F13A1: variants seen among roughly 807,000 people sequenced by gnomAD.
F13A1 encodes the protein coagulation factor XIII A chain, also known as FSF, A subunit.
In F13A1, 47 loss-of-function variants were observed where a neutral mutation model predicts 80.1. The observed-to-expected ratio is 0.59, with a 90% CI of 0.46 to 0.75. The LOEUF is 0.75. Among genes scored for constraint, F13A1 ranks in the 30% least tolerant of loss-of-function variants. The probability of loss-of-function intolerance (pLI) is 0.00; values close to 1 mark genes in which losing one functional copy is unlikely to be tolerated. For missense variants in F13A1, 817 were observed against 930.4 expected, an observed-to-expected ratio of 0.88 and a Z score of 1.59; for synonymous variants, 349 against 344.9, an observed-to-expected ratio of 1.01 and a Z score of -0.13.
At chr6:6,303,258 A>G (rs909923786) in intron 3 of F13A1, among the ~76,000 whole-genome samples, 1 of 152,198 alleles carries the variant, frequency 6.6e-6, no homozygotes, top group Non-Finnish European at 1.5e-5. Context: ...CCAGGTAATT[A>G]TTATTTCAAA....
At position 6,236,911 on chromosome 6, in the gene F13A1, C is replaced by G. The variant is rs142566947; in HGVS notation, c.798+11401G>C. On this transcript the variant is annotated intron_variant, in intron 6 of 14. Coordinates refer to ENST00000264870, the MANE Select transcript of F13A1 (RefSeq NM_000129.4). ...TTTCCAGGTTTTGTGAACCACAAATCCCCAGCTACAGTGTGGTGGTGACCA... is the reference window on the plus strand; with the variant it reads ...TTTCCAGGTTTTGTGAACCACAAATGCCCAGCTACAGTGTGGTGGTGACCA... 8.8e-3 allele frequency among the ~76,000 whole-genome samples: 1,340 copies of G among 152,190 alleles called. 7 individuals are homozygous for G. The highest frequency in any genetic ancestry group is 0.02 in the Middle Eastern group (6 of 294).
At position 6,205,876 on chromosome 6, in the gene F13A1, G is replaced by A. The variant is rs561689903; in HGVS notation, c.1113-8550C>T. On this transcript the variant is annotated intron_variant, in intron 8 of 14. Transcript: ENST00000264870. Reference sequence around the variant, plus strand: ...GATGCCACCCCATCACACAGACCACGTTTGCCATCATTAGTTAGCAGAAAG... The same window carrying A: ...GATGCCACCCCATCACACAGACCACATTTGCCATCATTAGTTAGCAGAAAG... Among the ~76,000 whole-genome samples, 46 of 152,172 alleles carry A rather than the reference G, an allele frequency of 3.0e-4. 1 individual carries two copies. In the South Asian group the frequency reaches 9.1e-3, roughly 30 times the overall value.
At position 6,222,087 on chromosome 6, in the gene F13A1, A is replaced by T. The variant is rs749280498; in HGVS notation, c.1058T>A (p.Ile353Asn). The T allele has an allele frequency of 1.2e-6, 2 of 1,614,012 alleles. No homozygotes were observed. Among genetic ancestry groups the T allele is most frequent in the South Asian group, 1.1e-5 (1 of 91,088 alleles). Reference protein sequence around the residue: ...HDNDANLQMDIFLEEDGNVNS... With the variant: ...HDNDANLQMDNFLEEDGNVNS... ...CACGTTCCCATCTTCTTCCAGGAAGATGTCCATTTGCAAATTGGCATCATT... is the reference window on the plus strand; with the variant it reads ...CACGTTCCCATCTTCTTCCAGGAAGTTGTCCATTTGCAAATTGGCATCATT... Residue 353 changes from isoleucine (I) to asparagine (N), a missense_variant, in exon 8 of 15, where the codon ATC becomes AAC. Coordinates refer to ENST00000264870, the MANE Select transcript of F13A1 (RefSeq NM_000129.4).
At chr6:6,152,051 A>AT (rs1394476233) in intron 13 of F13A1, 102 bp from the exon 14 acceptor site, 1 of 1,462,140 alleles carries the variant, frequency 6.8e-7, no homozygotes. Flanking sequence ...TGATACAGTT[A>AT]TTTTTTTGGC....
At chr6:6,290,619 T>G (rs563747515) in intron 3 of F13A1, among the ~76,000 whole-genome samples, 1 of 152,316 alleles carries the variant, frequency 6.6e-6, no homozygotes. Flanking sequence ...TATTTGATGA[T>G]GGAACTTTTT....
chr6:6,298,220 TTC>T (rs1413745876), intron 3 of F13A1, among the ~76,000 whole-genome samples: 332 of 140,800 alleles, frequency 2.4e-3, no homozygotes, highest in African/African-American at 8.1e-3. Flanking sequence ...AAAATGTATA[TTC>T]TGTTGATTTG....
At chr6:6,269,903 G>A (rs766232714) in intron 3 of F13A1, among the ~76,000 whole-genome samples, 3 of 151,952 alleles carry the variant, frequency 2.0e-5, no homozygotes, top group African/African-American at 4.8e-5. Context: ...TAGTAGAGAC[G>A]GGGTTTCACC....
At chr6:6,236,856 AG>A (rs1267195232) in intron 6 of F13A1, among the ~76,000 whole-genome samples, 3 of 152,162 alleles carry the variant, frequency 2.0e-5, no homozygotes, top group Admixed American at 2.0e-4. Flanking sequence ...AAGTTTGGCA[AG>A]GAGAAGAATT....
At chr6:6,232,623 C>T (rs1757367948) in intron 6 of F13A1, among the ~76,000 whole-genome samples, 1 of 152,150 alleles carries the variant, frequency 6.6e-6, no homozygotes, top group South Asian at 2.1e-4. Context: ...ATATACAGAA[C>T]ATTTTATCCA....
Position 6,266,782 on chromosome 6 carries a change from G to T in F13A1, c.347C>A (p.Thr116Asn), listed in dbSNP as rs771763854. Residue 116 changes from threonine (T) to asparagine (N), a missense_variant, in exon 4 of 15, where the codon ACC (threonine) becomes AAC (asparagine). Physicochemically the swap from Thr to Asn is moderately conservative, Grantham distance 65. Transcript: ENST00000264870. ...IGRYPQENKG[T>N]YIPVPIVSEL... ...TGAGACTATAGGCACTGGGATGTAG[G>T]TTCCCTTGTTCTCCTGTGGGTAGCG... is the stretch of plus-strand genomic sequence containing the variant. The T allele has an allele frequency of 3.8e-5, 61 of 1,614,066 alleles. No homozygotes were observed. Among genetic ancestry groups the T allele is most frequent in the Non-Finnish European group, 4.5e-5 (53 of 1,180,040 alleles).
chr6:6,164,420 T>C (rs1203327467), intron 13 of F13A1, among the ~76,000 whole-genome samples: 1 of 151,932 alleles, frequency 6.6e-6, no homozygotes, highest in Non-Finnish European at 1.5e-5. Flanking sequence ...TAACAATATG[T>C]ACAGCAAACC....
intron 7 of F13A1, among the ~76,000 whole-genome samples, chr6:6,223,156 T>C (rs1757223620): frequency 6.6e-6 from 1 of 152,244 alleles, no homozygotes; most frequent in Non-Finnish European, 1.5e-5. Flanking sequence ...AGGGCACCTG[T>C]TCCTCCTTCC....
intron 12 of F13A1, among the ~76,000 whole-genome samples, chr6:6,171,682 C>T (rs1342157552): frequency 2.0e-5 from 3 of 152,202 alleles, no homozygotes; most frequent in Admixed American, 2.0e-4. Context: ...CATTTCTGCT[C>T]AAAACTCTCT....
Position 6,167,346 on chromosome 6 carries a change from T to TTTA in F13A1, c.1908+111_1908+112insTAA. ...TGGTATTTTTTTTTTTTTTTTTTTTTGAGCAGGACATTCATTCACACACAC... is the reference window on the plus strand; with the variant it reads ...TGGTATTTTTTTTTTTTTTTTTTTTTTTAGAGCAGGACATTCATTCACACACAC... On this transcript the variant is annotated intron_variant, in intron 13 of 14. Coordinates refer to ENST00000264870, the MANE Select transcript of F13A1 (RefSeq NM_000129.4). The TTTA allele has an allele frequency of 6.1e-6, 5 of 824,364 alleles. No homozygotes were observed. In the Admixed American group the frequency reaches 1.7e-4, roughly 28 times the overall value. The allele number at this position is 824,364 out of a possible 1,614,324, so 51.1% of individuals were successfully genotyped here. A position where few individuals can be genotyped will look rare whatever the true frequency, so the allele number is the denominator to read the frequency against.
chr6:6,211,976 TAAA>T (rs939342605), intron 8 of F13A1, among the ~76,000 whole-genome samples: 2 of 152,312 alleles, frequency 1.3e-5, no homozygotes, highest in African/African-American at 4.8e-5. Context: ...CTGACGGGCT[TAAA>T]AAACGGCACA....
chr6:6,146,432 C>A (rs1191459928), intron 14 of F13A1, among the ~76,000 whole-genome samples: 1 of 152,134 alleles, frequency 6.6e-6, no homozygotes, highest in African/African-American at 2.4e-5. Context: ...AATGACATAG[C>A]CTTTCATGGT....
chr6:6,171,301 GT>G (rs1246931345), intron 12 of F13A1, among the ~76,000 whole-genome samples: 1 of 152,204 alleles, frequency 6.6e-6, no homozygotes, highest in Non-Finnish European at 1.5e-5. Context: ...TCATTGCTGT[GT>G]GGGGGCTTGA....
chr6:6,261,431 T>C (rs1023959319), intron 4 of F13A1, among the ~76,000 whole-genome samples: 1 of 152,228 alleles, frequency 6.6e-6, no homozygotes, highest in Non-Finnish European at 1.5e-5. Flanking sequence ...CTTTATTGTT[T>C]CGTGATTATT....
chr6:6,189,799 G>C (rs947629107), intron 10 of F13A1, among the ~76,000 whole-genome samples: 1 of 151,368 alleles, frequency 6.6e-6, no homozygotes, highest in African/African-American at 2.4e-5. Flanking sequence ...AGTTCTCCTG[G>C]ATAATATCCT....
Sources: gnomAD v4.1 joint callset for allele counts (sites outside exome capture counted in the v4.1 genomes callset) on GRCh38, gnomAD v4.1.1 for gene constraint, MANE v1.5 for transcripts, NCBI Gene and HGNC (gene_info 2026-07-23, HGNC 2026-07-21) for gene names.